The following PRKCH variants were observed in gnomAD, a reference collection of about 807,000 sequenced individuals.
PRKCH encodes the protein protein kinase C eta.
Under a neutral mutation model 82.5 loss-of-function variants are expected in PRKCH, and 28 were observed. That is an observed-to-expected ratio of 0.34 (90% CI 0.25 to 0.47). The LOEUF (loss-of-function observed/expected upper bound fraction) is 0.47. Among genes scored for constraint, PRKCH ranks in the 20% least tolerant of loss-of-function variants. PRKCH has a pLI of 1.00. For missense variants in PRKCH, 705 were observed against 881.8 expected (o/e 0.80, Z 2.54); for synonymous variants, 322 against 327.4 (o/e 0.98, Z 0.18).
chr14:61,244,376 G>A (rs1484925821), intron 1 of PRKCH, among the ~76,000 whole-genome samples: 1 of 152,204 alleles, frequency 6.6e-6, no homozygotes, highest in Middle Eastern at 3.4e-3. Context: ...AACCTGAAAC[G>A]GTATATGAGT....
At chr14:61,286,615 A>G (rs1272836114) in intron 1 of PRKCH, among the ~76,000 whole-genome samples, 1 of 151,906 alleles carries the variant, frequency 6.6e-6, no homozygotes, top group East Asian at 1.9e-4. Context: ...CGTCTCTACT[A>G]AAAATACAAA....
intron 2 of PRKCH, among the ~76,000 whole-genome samples, chr14:61,399,914 T>G (rs985593808): frequency 2.6e-5 from 4 of 152,206 alleles, no homozygotes; most frequent in African/African-American, 9.6e-5. Flanking sequence ...GGCCTTTTAC[T>G]TCTGCTAAAA....
At chr14:61,302,692 T>A in intron 1 of PRKCH, among the ~76,000 whole-genome samples, 1 of 152,198 alleles carries the variant, frequency 6.6e-6, no homozygotes. Context: ...TTTTAAGATA[T>A]CTTATTGTTA....
chr14:61,508,724 C>G (rs1023046756), intron 10 of PRKCH, among the ~76,000 whole-genome samples: 2 of 151,926 alleles, frequency 1.3e-5, no homozygotes, highest in African/African-American at 2.4e-5. Context: ...TTTGGATGTC[C>G]CAATATCACA....
chr14:61,334,946 G>C (rs960943926), intron 1 of PRKCH, among the ~76,000 whole-genome samples: 1 of 151,962 alleles, frequency 6.6e-6, no homozygotes, highest in African/African-American at 2.4e-5. Context: ...AGGTTATCTT[G>C]CTTCAGCCTC....
chr14:61,457,321 T>C lies in PRKCH; in HGVS notation c.1104+2T>C. 1 of 1,613,898 alleles carries C rather than the reference T, an allele frequency of 6.2e-7. No homozygotes were observed. The highest frequency in any genetic ancestry group is 8.5e-7 in the Non-Finnish European group (1 of 1,179,888). On this transcript the variant is annotated splice_donor_variant, in intron 8 of 13. Coordinates refer to ENST00000332981, the MANE Select transcript of PRKCH (RefSeq NM_006255.5). LOFTEE classifies it high-confidence loss of function. ...TTGGGGAAGGGGAGTTTTGGGAAGG[T>C]GAGTCTTGGCTTTAACTGTTTGGGT...
rs765323732 is a variant in PRKCH, at chr14:61,280,090, A to C, written c.-19+92422A>C. 1 of 1,604,478 alleles carries C rather than the reference A, an allele frequency of 6.2e-7. No individual in the cohort carries two copies. Among genetic ancestry groups the C allele is most frequent in the Admixed American group, 1.7e-5 (1 of 58,878 alleles). Reference sequence around the variant, plus strand: ...GCAGGAGGGATCCCTGGAAAGCCGGAATCACTCCTCGTCGTCGTCGTCCTG... The same window carrying C: ...GCAGGAGGGATCCCTGGAAAGCCGGCATCACTCCTCGTCGTCGTCGTCCTG... On this transcript the variant is annotated intron_variant, in intron 1 of 3. Coordinates refer to the PRKCH transcript ENST00000555185. This position sits in a 1 kb window ranked among gnomAD's most constrained non-coding sequence, Gnocchi z 5.0.
At chr14:61,312,145 A>G (rs1196621147) in intron 1 of PRKCH, among the ~76,000 whole-genome samples, 2 of 152,364 alleles carry the variant, frequency 1.3e-5, no homozygotes, top group Middle Eastern at 3.4e-3. Context: ...ATTTTATTAA[A>G]TTAGTACTGA....
At chr14:61,310,829 A>T (rs1322493760) in intron 1 of PRKCH, among the ~76,000 whole-genome samples, 1 of 152,200 alleles carries the variant, frequency 6.6e-6, no homozygotes, top group Non-Finnish European at 1.5e-5. Context: ...GCATTTCCAT[A>T]CATCTTCTGA....
chr14:61,485,728 C>T, intron 10 of PRKCH, 72 bp downstream of exon 10: 4 of 1,500,994 alleles, frequency 2.7e-6, no homozygotes, highest in Non-Finnish European at 3.6e-6. Context: ...CATCCTTCCA[C>T]TTCTCATGAT....
intron 1 of PRKCH, among the ~76,000 whole-genome samples, chr14:61,362,323 A>G (rs974717752): frequency 6.1e-5 from 9 of 147,656 alleles, no homozygotes; most frequent in Non-Finnish European, 1.2e-4. Flanking sequence ...ACTGGGCGAC[A>G]GAGTGGCATC....
At chr14:61,316,315 G>A (rs1390383660) in intron 1 of PRKCH, among the ~76,000 whole-genome samples, 2 of 152,162 alleles carry the variant, frequency 1.3e-5, no homozygotes, top group African/African-American at 2.4e-5. Flanking sequence ...TGGAATGGGA[G>A]TTGTGTGAAA....
chr14:61,302,231 A>G (rs2045453272), intron 1 of PRKCH, among the ~76,000 whole-genome samples: 1 of 152,258 alleles, frequency 6.6e-6, no homozygotes, highest in Non-Finnish European at 1.5e-5. Flanking sequence ...GCAAATACTT[A>G]CCATAAATCC....
rs2044912801 is a variant in PRKCH at position 61,248,889 on chromosome 14, C to T, written c.-19+61221C>T. 2.0e-5 allele frequency among the ~76,000 whole-genome samples: 3 copies of T among 151,990 alleles called. No homozygotes were observed. The South Asian group carries it at 6.2e-4, about 32-fold the overall frequency. ...TGATCTCGGGTCACTGCAACCTCTG[C>T]CTCCCGGATTCAAGCAACTCTCATG... On this transcript the variant is annotated intron_variant, in intron 1 of 3. Coordinates refer to the PRKCH transcript ENST00000555185.
At chr14:61,244,220 G>A (rs1308934879) in intron 1 of PRKCH, among the ~76,000 whole-genome samples, 2 of 152,140 alleles carry the variant, frequency 1.3e-5, no homozygotes, top group South Asian at 2.1e-4. Flanking sequence ...TCCCAGACCA[G>A]CTGCGGTCAA....
At chr14:61,543,627 ACAGT>A (rs2043215743) in intron 12 of PRKCH, 1 of 152,214 alleles carries the variant, frequency 6.6e-6, no homozygotes, top group Admixed American at 6.5e-5. Context: ...CTCTTGGATC[ACAGT>A]CAGGGAGAAA....
chr14:61,387,993 C>T lies in PRKCH; in HGVS notation c.364-3232C>T, dbSNP rs542896686. Among the ~76,000 whole-genome samples, 5 of 152,088 alleles carry T rather than the reference C, an allele frequency of 3.3e-5. No homozygotes were observed. The South Asian group carries it at 8.3e-4, about 25-fold the overall frequency. ...CGAAACCCCATCTCTACTAAAATTA[C>T]AAAAATCAGCCAGGTGTGGTGACAT... On this transcript the variant is annotated intron_variant, in intron 1 of 13. Coordinates refer to ENST00000332981, the MANE Select transcript of PRKCH (RefSeq NM_006255.5).
At chr14:61,356,992 C>A (rs928679339) in intron 1 of PRKCH, among the ~76,000 whole-genome samples, 4 of 152,190 alleles carry the variant, frequency 2.6e-5, no homozygotes, top group Admixed American at 2.0e-4. Context: ...TTATTTAGTT[C>A]TTTCTTACTA....
At chr14:61,209,338 A>G (rs1423630127) in intron 1 of PRKCH, among the ~76,000 whole-genome samples, 1 of 143,912 alleles carries the variant, frequency 6.9e-6, no homozygotes, top group East Asian at 2.0e-4. Context: ...AAAAAAAGCT[A>G]CTCATCCACC....
Sources: gnomAD v4.1 joint callset for allele counts (sites outside exome capture counted in the v4.1 genomes callset) on GRCh38, gnomAD v4.1.1 for gene constraint, Gnocchi (gnomAD v3.1) non-coding constraint, MANE v1.5 for transcripts, NCBI Gene and HGNC (gene_info 2026-07-23, HGNC 2026-07-21) for gene names.